Variants in KIR2DL3 observed in about 807,000 individuals in gnomAD.
KIR2DL3 encodes the protein killer cell immunoglobulin-like receptor 2DL3.
Under a neutral mutation model 33.8 loss-of-function variants are expected in KIR2DL3, and 39 were observed. The ratio of observed to expected loss-of-function variants is 1.15; its 90% CI spans 0.89 to 1.51. KIR2DL3 has a LOEUF of 1.51. Among genes scored for constraint, KIR2DL3 ranks in the 40% most tolerant of loss-of-function variants. The pLI is 0.00. For synonymous variants in KIR2DL3, 174 were observed against 160.2 expected, an observed-to-expected ratio of 1.09 and a Z score of -0.65; for missense variants, 462 against 426.2, an observed-to-expected ratio of 1.08 and a Z score of -0.74.
chr19:54,741,180 C>A (rs1330591998), intron 2 of KIR2DL3, among the ~76,000 whole-genome samples: 1 of 150,656 alleles, frequency 6.6e-6, no homozygotes, highest in African/African-American at 2.4e-5. Flanking sequence ...AGTTAAGAAA[C>A]AACCCAAGGA....
chr19:54,740,709 A>C (rs2070892032), intron 2 of KIR2DL3, among the ~76,000 whole-genome samples: 1 of 151,880 alleles, frequency 6.6e-6, no homozygotes, highest in Admixed American at 6.6e-5. Flanking sequence ...TGGGAAGAAT[A>C]ATTGTCCCCA....
At position 54,743,784 on chromosome 19, in the gene KIR2DL3, T is replaced by A. The variant is rs2071653833; in HGVS notation, c.371-11T>A. 6.4e-7 allele frequency: 1 copy of A among 1,560,322 alleles called. No homozygotes were observed. The highest frequency in any genetic ancestry group is 2.0e-5 in the Admixed American group (1 of 51,208). On this transcript the variant is annotated splice_polypyrimidine_tract_variant and intron_variant, in intron 3 of 7. Coordinates refer to ENST00000342376, the MANE Select transcript of KIR2DL3 (RefSeq NM_015868.3). ...AGATCCTCCGTAAGGAAAATGCCTC[T>A]TCTCCTCCAGGTCTATATGAGAAAC...
At position 54,752,462 on chromosome 19, in the gene KIR2DL3, C is replaced by G; in HGVS notation, c.969C>G (p.Pro323=). The G allele has an allele frequency of 2.0e-6, 3 of 1,465,802 alleles. No homozygotes were observed. Among genetic ancestry groups the G allele is most frequent in the South Asian group, 1.3e-5 (1 of 76,322 alleles). The allele number at this position is 1,465,802 out of a possible 1,614,324, so 90.8% of individuals were successfully genotyped here. A position where few individuals can be genotyped will look rare whatever the true frequency, so the allele number is the denominator to read the frequency against. ...AAATCACTCGCCCTTCTCAGAGGCC[C>G]AAGACACCCCCAACAGATATCATCG... The part of the protein sequence containing the change: ...QRKITRPSQR[P]KTPPTDIIVY... The change falls in exon 8 of 8, where the codon CCC becomes CCG. Residue 323 remains proline, a synonymous_variant. Coordinates refer to ENST00000342376, the MANE Select transcript of KIR2DL3 (RefSeq NM_015868.3).
At chr19:54,750,992 C>T (rs1467382568) in intron 5 of KIR2DL3, among the ~76,000 whole-genome samples, 2 of 133,968 alleles carry the variant, frequency 1.5e-5, no homozygotes, top group African/African-American at 2.8e-5. Context: ...GACGTTCCTC[C>T]TGATCTCAGG....
intron 3 of KIR2DL3, 92 bp downstream of exon 3, chr19:54,742,371 T>A (rs2147040028): frequency 6.5e-7 from 1 of 1,533,708 alleles, no homozygotes; most frequent in Non-Finnish European, 9.0e-7. Flanking sequence ...GAAGATGAGC[T>A]TGGTATTCTT....
intron 5 of KIR2DL3, among the ~76,000 whole-genome samples, chr19:54,749,004 G>C (rs1313864155): frequency 2.6e-5 from 4 of 151,982 alleles, no homozygotes; most frequent in African/African-American, 7.3e-5. Flanking sequence ...TCAGATATTT[G>C]TGACATTAAT....
chr19:54,738,920 GGGCCTGGAGGTGGA>G (rs2070369897), intron 1 of KIR2DL3, among the ~76,000 whole-genome samples: 2 of 93,616 alleles, frequency 2.1e-5, no homozygotes, highest in African/African-American at 8.5e-5. Flanking sequence ...GTGGAGATAT[GGGCCTGGAGGTGGA>G]GATATGGGCC....
intron 5 of KIR2DL3, among the ~76,000 whole-genome samples, chr19:54,750,601 G>A (rs868467572): frequency 2.2e-5 from 3 of 137,002 alleles, no homozygotes; most frequent in Non-Finnish European, 4.8e-5. Flanking sequence ...CACATTCGCT[G>A]TGTATCAATC....
chr19:54,740,663 A>G lies in KIR2DL3; in HGVS notation c.70+1121A>G, dbSNP rs1295226773. ...CGCAGGCCCTGACTGTATTTGTGGT[A>G]AAGGGGGATTGAATACAGGGAAATG... On this transcript the variant is annotated intron_variant, in intron 2 of 7. Coordinates refer to ENST00000342376, the MANE Select transcript of KIR2DL3 (RefSeq NM_015868.3). Among the ~76,000 whole-genome samples, 11 of 151,822 alleles carry G rather than the reference A, an allele frequency of 7.2e-5. No homozygotes were observed. The East Asian group carries it at 2.1e-3, about 29-fold the overall frequency.
intron 2 of KIR2DL3, among the ~76,000 whole-genome samples, chr19:54,740,930 A>G (rs2070947581): frequency 1.3e-5 from 2 of 151,506 alleles, no homozygotes; most frequent in African/African-American, 2.4e-5. Context: ...AGGTGGAGGA[A>G]GGCCAAGATC....
chr19:54,744,897 TACACAC>T (rs1190927916), intron 4 of KIR2DL3, among the ~76,000 whole-genome samples: 4,335 of 57,060 alleles, frequency 0.076, 199 homozygotes, highest in Middle Eastern at 0.17. Flanking sequence ...TATATATATA[TACACAC>T]ACACACACAT....
rs2071247119 is a variant in KIR2DL3, at chr19:54,742,088, T to G, written c.179T>G (p.Leu60Arg). ...GATGTCAGGTTTCAGCACTTCCTTCTGCACAGAGAAGGGAAGTTTAAGGAC... is the reference window on the plus strand; with the variant it reads ...GATGTCAGGTTTCAGCACTTCCTTCGGCACAGAGAAGGGAAGTTTAAGGAC... ...WSDVRFQHFL[L>R]HREGKFKDTL... Residue 60 changes from leucine to arginine, a missense_variant, in exon 3 of 8, where the codon CTG (leucine) becomes CGG (arginine). Transcript: ENST00000342376. 6.2e-7 allele frequency: 1 copy of G among 1,613,772 alleles called. No homozygotes were observed. The highest frequency in any genetic ancestry group is 8.5e-7 in the Non-Finnish European group (1 of 1,179,900).
At chr19:54,748,611 T>C (rs1170881279) in intron 5 of KIR2DL3, among the ~76,000 whole-genome samples, 1 of 148,230 alleles carries the variant, frequency 6.7e-6, no homozygotes, top group Non-Finnish European at 1.5e-5. Context: ...GTGCATGAAA[T>C]CTATTTTTTG....
At chr19:54,744,934 A>ATATATATATT (rs2072126195) in intron 4 of KIR2DL3, among the ~76,000 whole-genome samples, 1 of 24,636 alleles carries the variant, frequency 4.1e-5, no homozygotes, top group African/African-American at 1.3e-4. Context: ...ATATATATAT[A>ATATATATATT]TATATATATA....
At position 54,742,124 on chromosome 19, in the gene KIR2DL3, T is replaced by C; in HGVS notation, c.215T>C (p.Leu72Pro). 10 of 1,614,022 alleles carry C rather than the reference T, an allele frequency of 6.2e-6. No homozygotes were observed. Among genetic ancestry groups the C allele is most frequent in the South Asian group, 5.5e-5 (5 of 91,076 alleles). ...REGKFKDTLHLIGEHHDGVSK... is the reference protein window; with the variant it reads ...REGKFKDTLHPIGEHHDGVSK... ...GGGAAGTTTAAGGACACTTTGCACC[T>C]CATTGGAGAGCACCATGATGGGGTC... The change falls in exon 3 of 8, where the codon CTC becomes CCC. Residue 72 changes from leucine to proline, a missense_variant. Leu to Pro is a moderately conservative substitution (Grantham distance 98, BLOSUM62 -3). Coordinates refer to ENST00000342376, the MANE Select transcript of KIR2DL3 (RefSeq NM_015868.3).
chr19:54,748,355 A>G (rs1033051821), intron 5 of KIR2DL3, among the ~76,000 whole-genome samples: 3 of 148,558 alleles, frequency 2.0e-5, no homozygotes, highest in Non-Finnish European at 4.5e-5. Flanking sequence ...TCAGCTGATT[A>G]GCAACCGCAA....
chr19:54,743,770 A>G (rs796348289), intron 3 of KIR2DL3, 25 bp from the exon 4 acceptor site: 379,390 of 1,406,516 alleles, frequency 0.27, 47,949 homozygotes, highest in South Asian at 0.41. Flanking sequence ...GATCCTCCGT[A>G]AGGAAAATGC....
At chr19:54,744,118 C>G in intron 4 of KIR2DL3, 30 bp downstream of exon 4, 1 of 1,613,462 alleles carries the variant, frequency 6.2e-7, no homozygotes. Flanking sequence ...GTCTCATGTC[C>G]TATGATCCTA....
At chr19:54,744,823 C>T (rs1235083319) in intron 4 of KIR2DL3, among the ~76,000 whole-genome samples, 1 of 143,430 alleles carries the variant, frequency 7.0e-6, no homozygotes, top group Non-Finnish European at 1.5e-5. Context: ...CCACGCCCAG[C>T]CACATTTACC....
Sources: allele counts gnomAD v4.1 joint callset (sites outside exome capture counted in the v4.1 genomes callset), GRCh38; gene constraint gnomAD v4.1.1; transcripts MANE v1.5; gene names NCBI Gene and HGNC (gene_info 2026-07-23, HGNC 2026-07-21).